CNTN5: variants seen among roughly 807,000 people sequenced by gnomAD.
CNTN5 encodes the protein contactin 5.
In CNTN5, 77 loss-of-function variants were observed where a neutral mutation model predicts 129.1. The observed-to-expected ratio is 0.60, with a 90% CI of 0.50 to 0.72. The LOEUF is 0.72. Ranked by LOEUF, CNTN5 falls within the 30% of genes least tolerant of loss-of-function variation. CNTN5 has a pLI of 0.00. For synonymous variants in CNTN5, 509 were observed against 465.6 expected, an observed-to-expected ratio of 1.09 and a Z score of -1.20; for missense variants, 1,478 against 1,328.8, an observed-to-expected ratio of 1.11 and a Z score of -1.75.
At chr11:99,512,670 T>G (rs1229365374) in intron 2 of CNTN5, among the ~76,000 whole-genome samples, 1 of 152,150 alleles carries the variant, frequency 6.6e-6, no homozygotes, top group African/African-American at 2.4e-5. Flanking sequence ...TTATTATGCC[T>G]GTTACGGTGA....
At chr11:99,761,507 T>G (rs953888312) in intron 3 of CNTN5, among the ~76,000 whole-genome samples, 3 of 151,710 alleles carry the variant, frequency 2.0e-5, no homozygotes, top group African/African-American at 7.3e-5. Flanking sequence ...TGAGTGAGAA[T>G]ATGCGGTGTT....
chr11:99,450,403 T>A (rs906349726), intron 2 of CNTN5, among the ~76,000 whole-genome samples: 2 of 152,110 alleles, frequency 1.3e-5, no homozygotes, highest in Non-Finnish European at 2.9e-5. Flanking sequence ...CTATAAAGAC[T>A]GTGATGTCCC....
rs1193924325 is a variant in CNTN5, at chr11:99,243,807, T to A, written c.-209-81539T>A. 2.6e-5 allele frequency among the ~76,000 whole-genome samples: 4 copies of A among 151,050 alleles called. No individual in the cohort carries two copies. The East Asian group carries it at 7.8e-4, about 29-fold the overall frequency. On this transcript the variant is annotated intron_variant, in intron 1 of 24. Transcript: ENST00000524871. ...CTTTATTTCTGGGTTGTCTATGCTG[T>A]TCTATTGGTCTGTATGCCTTTTTTT...
chr11:100,318,169 A>C (rs1350656977), intron 21 of CNTN5, among the ~76,000 whole-genome samples: 2 of 143,310 alleles, frequency 1.4e-5, no homozygotes, highest in African/African-American at 5.2e-5. Flanking sequence ...TGAACCCGGG[A>C]GGCCGAACTT....
intron 1 of CNTN5, among the ~76,000 whole-genome samples, chr11:99,280,438 C>G (rs546093919): frequency 1.3e-5 from 2 of 151,668 alleles, no homozygotes; most frequent in Admixed American, 6.6e-5. Context: ...AATGCCAAAA[C>G]CAAACCTCAA....
chr11:99,644,138 G>A (rs557656842), intron 3 of CNTN5, among the ~76,000 whole-genome samples: 24 of 144,638 alleles, frequency 1.7e-4, no homozygotes, highest in Non-Finnish European at 2.4e-4. Context: ...CACTGAACTT[G>A]TAAATATCAT....
chr11:99,899,934 T>C (rs939983013), intron 6 of CNTN5, among the ~76,000 whole-genome samples: 1 of 151,932 alleles, frequency 6.6e-6, no homozygotes, highest in Non-Finnish European at 1.5e-5. Flanking sequence ...CTATTCAGGG[T>C]TTCTATTTCT....
chr11:99,918,302 A>T (rs1376478259), intron 7 of CNTN5, among the ~76,000 whole-genome samples: 1 of 152,188 alleles, frequency 6.6e-6, no homozygotes, highest in Non-Finnish European at 1.5e-5. Flanking sequence ...ATATGAATCT[A>T]TTCAGTTTAA....
chr11:100,107,488 C>CTTTTT (rs10630943), intron 13 of CNTN5, among the ~76,000 whole-genome samples: 1 of 130,504 alleles, frequency 7.7e-6, no homozygotes, highest in African/African-American at 2.8e-5. Context: ...CTATAGTATT[C>CTTTTT]TTTTTTTTTT....
intron 9 of CNTN5, among the ~76,000 whole-genome samples, chr11:100,005,260 A>G (rs1245338923): frequency 6.6e-6 from 1 of 152,128 alleles, no homozygotes; most frequent in East Asian, 1.9e-4. Flanking sequence ...TTTATGCCTT[A>G]TCCTGTCCCC....
At chr11:99,273,877 T>C (rs146924505) in intron 1 of CNTN5, among the ~76,000 whole-genome samples, 3 of 151,818 alleles carry the variant, frequency 2.0e-5, no homozygotes, top group East Asian at 1.9e-4. Flanking sequence ...AGTTTTGTCA[T>C]TGACTACTAA....
chr11:99,818,210 T>C (rs949824505), intron 3 of CNTN5, among the ~76,000 whole-genome samples: 3 of 152,202 alleles, frequency 2.0e-5, no homozygotes, highest in African/African-American at 7.2e-5. Context: ...ATCAAAAATT[T>C]AGTTAGCAAT....
At chr11:99,639,751 A>T (rs1445811190) in intron 3 of CNTN5, among the ~76,000 whole-genome samples, 1 of 151,696 alleles carries the variant, frequency 6.6e-6, no homozygotes, top group Non-Finnish European at 1.5e-5. Context: ...TTTAGTGGAG[A>T]TGAGGTTTCA....
At chr11:99,963,185 G>C (rs905868449) in intron 8 of CNTN5, among the ~76,000 whole-genome samples, 8 of 152,066 alleles carry the variant, frequency 5.3e-5, no homozygotes, top group Admixed American at 2.0e-4. Flanking sequence ...TGTCAATTTT[G>C]GCTTTTGTTG....
At chr11:99,877,736 T>C (rs1591353380) in intron 6 of CNTN5, among the ~76,000 whole-genome samples, 1 of 152,356 alleles carries the variant, frequency 6.6e-6, no homozygotes, top group East Asian at 1.9e-4. Context: ...TACAGTACTA[T>C]ATCTGCATTT....
intron 8 of CNTN5, among the ~76,000 whole-genome samples, chr11:99,967,551 A>G (rs575260119): frequency 1.3e-5 from 2 of 152,254 alleles, no homozygotes; most frequent in East Asian, 1.9e-4. Flanking sequence ...CAAGCTCACT[A>G]TTATTGCACT....
intron 16 of CNTN5, among the ~76,000 whole-genome samples, chr11:100,255,032 G>GCA (rs1044058677): frequency 2.0e-5 from 3 of 152,058 alleles, no homozygotes; most frequent in African/African-American, 7.2e-5. Flanking sequence ...AAGTCCATAT[G>GCA]CACACAGATT....
intron 18 of CNTN5, among the ~76,000 whole-genome samples, chr11:100,274,603 C>G (rs1950469999): frequency 6.6e-6 from 1 of 152,098 alleles, no homozygotes. Context: ...ATACACGTGG[C>G]CAACAATCAT....
chr11:99,023,658 A>G (rs1297112046), intron 1 of CNTN5, among the ~76,000 whole-genome samples: 1 of 152,238 alleles, frequency 6.6e-6, no homozygotes, highest in African/African-American at 2.4e-5. Context: ...TTCATCAGTC[A>G]AAAACTAATC....
Sources: allele counts gnomAD v4.1 joint callset (sites outside exome capture counted in the v4.1 genomes callset), GRCh38; gene constraint gnomAD v4.1.1; transcripts MANE v1.5; gene names NCBI Gene and HGNC (gene_info 2026-07-23, HGNC 2026-07-21).